USP32: variants seen among roughly 807,000 people sequenced by gnomAD.
USP32 encodes ubiquitin specific peptidase 32.
A neutral mutation model predicts 204.8 loss-of-function variants in USP32; 59 were observed. That is an observed-to-expected ratio of 0.29 (90% confidence interval 0.23 to 0.36). The LOEUF (loss-of-function observed/expected upper bound fraction) is 0.36. USP32 is among the 10% of genes least tolerant of loss of function. The pLI is 1.00. For synonymous variants in USP32, 517 were observed against 678.4 expected (o/e 0.76, Z 3.70); for missense variants, 1,160 against 1,946.4 (o/e 0.60, Z 7.60).
At chr17:60,386,441 A>C (rs1184385269) in intron 1 of USP32, among the ~76,000 whole-genome samples, 2 of 151,976 alleles carry the variant, frequency 1.3e-5, no homozygotes, top group Admixed American at 1.3e-4. Flanking sequence ...TCTCAGCATT[A>C]CTCTGGTGCT....
intron 13 of USP32, 52 bp downstream of exon 13, chr17:60,225,986 AC>A (rs2085376383): frequency 6.8e-7 from 1 of 1,472,140 alleles, no homozygotes; most frequent in Admixed American, 2.5e-5. Context: ...GAAAAGAAAG[AC>A]CTATCCAGGG....
chr17:60,266,071 C>T lies in USP32; in HGVS notation c.832G>A (p.Val278Ile), dbSNP rs756181962. The T allele has an allele frequency of 1.9e-6, 3 of 1,613,910 alleles. No homozygotes were observed. Among genetic ancestry groups the T allele is most frequent in the Non-Finnish European group, 2.5e-6 (3 of 1,179,876 alleles). ...CTGGAGAGAACTCCATCACGGTCAACATCAAATACCTTGAAGCAAACTAAT... is the reference window on the plus strand; with the variant it reads ...CTGGAGAGAACTCCATCACGGTCAATATCAAATACCTTGAAGCAAACTAAT... ...RQKFCFKVFD[V>I]DRDGVLSRVE... is the part of the protein sequence containing the mutation. Residue 278 changes from valine to isoleucine, a missense_variant, in exon 8 of 34, where the codon GTT becomes ATT. Val to Ile is a conservative substitution (Grantham distance 29). This residue lies in a region of USP32 where 536 missense variants were observed against 680.9 expected (regional missense o/e 0.79). Coordinates refer to ENST00000300896, the MANE Select transcript of USP32 (RefSeq NM_032582.4).
chr17:60,391,923 G>T lies in USP32; in HGVS notation c.17C>A (p.Ser6Ter). 1 of 1,612,306 alleles carries T rather than the reference G, an allele frequency of 6.2e-7. No homozygotes were observed. Residue 6 changes from serine to a stop codon, truncating the protein, a stop_gained, in exon 1 of 34, where the codon TCA (serine) becomes TAA (stop). Coordinates refer to ENST00000300896, the MANE Select transcript of USP32 (RefSeq NM_032582.4). LOFTEE classifies it high-confidence loss of function. MGAKE[S>*]RIGFLSYEEA... is the part of the protein sequence containing the mutation. ...CTCGTAGCTGAGGAATCCGATCCGT[G>T]ACTCCTTGGCACCCATGCTCCCCTC...
chr17:60,409,165 T>A (rs536146310), intron 1 of USP32, among the ~76,000 whole-genome samples: 1 of 152,268 alleles, frequency 6.6e-6, no homozygotes, highest in South Asian at 2.1e-4. Flanking sequence ...CTGAGCAACA[T>A]GGCGAAACCC....
chr17:60,233,471 AAAC>A lies in USP32; in HGVS notation c.1239+2664_1239+2666del, dbSNP rs1235632657. Among the ~76,000 whole-genome samples, 7 of 152,258 alleles carry A rather than the reference AAAC, an allele frequency of 4.6e-5. No individual in the cohort carries two copies. In the East Asian group the frequency reaches 5.8e-4, roughly 13 times the overall value. ...GAAGATCCTGTCTCAACAAACAAGC[AAAC>A]AACAACAACAAAACACTTAACATGC... On this transcript the variant is annotated intron_variant, in intron 12 of 33. Coordinates refer to ENST00000300896, the MANE Select transcript of USP32 (RefSeq NM_032582.4).
chr17:60,181,690 G>A lies in USP32; in HGVS notation c.4182C>T (p.Ser1394=), dbSNP rs1173358149. ...GTSCPSSKNS[S]PNSSPRTLGR... ...CCAAAGTCCGTGGGCTGCTATTAGG[G>A]CTGCTGTTTTTGCTGGAGGGACAGC... The change falls in exon 32 of 34, where the codon AGC becomes AGT. Residue 1394 remains serine (S), a synonymous_variant. Transcript: ENST00000300896. 1.2e-6 allele frequency: 2 copies of A among 1,611,948 alleles called. No individual in the cohort carries two copies. Among genetic ancestry groups the A allele is most frequent in the African/African-American group, 2.7e-5 (2 of 74,972 alleles).
intron 11 of USP32, among the ~76,000 whole-genome samples, chr17:60,241,805 T>C (rs1436132104): frequency 6.6e-6 from 1 of 152,236 alleles, no homozygotes; most frequent in Non-Finnish European, 1.5e-5. Flanking sequence ...ATATTTTCTC[T>C]AGGGCTGTGA....
Position 60,210,350 on chromosome 17 carries a change from T to C in USP32, c.2424+663A>G, listed in dbSNP as rs557161552. ...TTTTGGAGACAGAGTCTTACTCTGT[T>C]GCCCAGGCTGGAGTACAGTGGTGCG... On this transcript the variant is annotated intron_variant, in intron 21 of 33. Transcript: ENST00000300896. 2.3e-4 allele frequency among the ~76,000 whole-genome samples: 35 copies of C among 152,158 alleles called. 1 individual carries two copies. The highest frequency in any genetic ancestry group is 7.9e-4 in the African/African-American group (33 of 41,536).
At chr17:60,237,019 A>T (rs2085744042) in intron 11 of USP32, among the ~76,000 whole-genome samples, 1 of 152,140 alleles carries the variant, frequency 6.6e-6, no homozygotes, top group East Asian at 1.9e-4. Flanking sequence ...CTGGCAAGTC[A>T]ATTTCCAAAG....
intron 2 of USP32, chr17:60,305,304 A>G (rs187165679): frequency 6.6e-6 from 1 of 152,324 alleles, no homozygotes; most frequent in East Asian, 1.9e-4. Context: ...AGCATGTCAC[A>G]TGGTGAGAGA....
chr17:60,208,355 G>C (rs922869700), intron 23 of USP32, 145 bp from the exon 24 acceptor site: 7 of 798,028 alleles, frequency 8.8e-6, no homozygotes, highest in Non-Finnish European at 1.3e-5. Flanking sequence ...CACTAAAACA[G>C]ATGGTACTTA....
intron 5 of USP32, among the ~76,000 whole-genome samples, chr17:60,284,315 G>A (rs1420457776): frequency 6.6e-6 from 1 of 150,922 alleles, no homozygotes; most frequent in Admixed American, 6.6e-5. Flanking sequence ...CCAGGTTCAA[G>A]TGATTCTCCT....
intron 27 of USP32, among the ~76,000 whole-genome samples, chr17:60,194,444 T>TAAA (rs2084462954): frequency 6.6e-6 from 1 of 152,216 alleles, no homozygotes; most frequent in Non-Finnish European, 1.5e-5. Flanking sequence ...TCCTTCCTTT[T>TAAA]CTAAAACATT....
At chr17:60,238,528 C>T (rs1322587793) in intron 11 of USP32, among the ~76,000 whole-genome samples, 4 of 151,600 alleles carry the variant, frequency 2.6e-5, no homozygotes, top group Non-Finnish European at 4.4e-5. Flanking sequence ...ATTAGCTGGG[C>T]GCAGTGCCTC....
intron 1 of USP32, among the ~76,000 whole-genome samples, chr17:60,377,426 G>T (rs4047737): frequency 1.3e-5 from 2 of 151,996 alleles, no homozygotes; most frequent in Non-Finnish European, 2.9e-5. Context: ...CTTAACCTTC[G>T]AACAGTCTCT....
chr17:60,392,539 G>A, upstream of USP32: 1 of 392,210 alleles, frequency 2.5e-6, no homozygotes, highest in Non-Finnish European at 5.2e-6. Context: ...CCGAGCAGCT[G>A]ACGGTTAGTG....
intron 2 of USP32, among the ~76,000 whole-genome samples, chr17:60,312,166 G>C (rs1397729652): frequency 6.6e-6 from 1 of 152,172 alleles, no homozygotes; most frequent in East Asian, 1.9e-4. Context: ...ACCTAAGCTG[G>C]AAAGCAGCCC....
At chr17:60,255,295 T>TTTA in intron 9 of USP32, 37 bp from the exon 10 acceptor site, 2 of 1,517,966 alleles carry the variant, frequency 1.3e-6, no homozygotes, top group African/African-American at 3.0e-5. Context: ...ACATCTTTTT[T>TTTA]TTCTTTTTTT....
At chr17:60,254,221 CA>C (rs1403578866) in intron 10 of USP32, among the ~76,000 whole-genome samples, 1 of 152,154 alleles carries the variant, frequency 6.6e-6, no homozygotes, top group Non-Finnish European at 1.5e-5. Flanking sequence ...CTTTAAAAAT[CA>C]GAGCGAGGGA....
Sources: gnomAD v4.1 joint callset for allele counts (sites outside exome capture counted in the v4.1 genomes callset) on GRCh38, gnomAD v4.1.1 for gene constraint, gnomAD v4.1.1 regional missense constraint, MANE v1.5 for transcripts, NCBI Gene and HGNC (gene_info 2026-07-23, HGNC 2026-07-21) for gene names.